The following SPAG1 variants were observed in gnomAD, a reference collection of about 807,000 sequenced individuals.
The protein encoded by SPAG1 is sperm associated antigen 1, also known as sperm-associated antigen 1.
SPAG1 carries 69 observed loss-of-function variants against 100.5 expected under a neutral mutation model. The ratio of observed to expected loss-of-function variants is 0.69; its 90% CI spans 0.57 to 0.84. The LOEUF is 0.84. SPAG1 is among the 40% of genes least tolerant of loss of function. The pLI is 0.00. For synonymous variants in SPAG1, 336 were observed against 411.6 expected (o/e 0.82, Z 2.22); for missense variants, 955 against 1,133.1 (o/e 0.84, Z 2.26).
chr8:100,234,143 T>C (rs1818898228), intron 16 of SPAG1, among the ~76,000 whole-genome samples: 1 of 152,254 alleles, frequency 6.6e-6, no homozygotes, highest in Non-Finnish European at 1.5e-5. Flanking sequence ...TGAATGTTCA[T>C]ATTTATAGAA....
At chr8:100,167,689 T>C (rs1815626821) in intron 3 of SPAG1, among the ~76,000 whole-genome samples, 1 of 152,208 alleles carries the variant, frequency 6.6e-6, no homozygotes, top group Non-Finnish European at 1.5e-5. Context: ...TAATCAGCTT[T>C]ATTGAGATAA....
chr8:100,213,004 T>C (rs1289557689), intron 10 of SPAG1, 86 bp from the exon 11 acceptor site: 51 of 553,292 alleles, frequency 9.2e-5, no homozygotes, highest in Non-Finnish European at 1.2e-4. Context: ...GCCCTCCGCG[T>C]CCTGCACCCC....
chr8:100,221,223 CTT>C (rs1818263700), intron 13 of SPAG1, among the ~76,000 whole-genome samples: 2 of 152,186 alleles, frequency 1.3e-5, no homozygotes, highest in South Asian at 2.1e-4. Flanking sequence ...AAACATATCT[CTT>C]GTTTCTCCTG....
chr8:100,182,255 G>C (rs186295944), intron 4 of SPAG1, among the ~76,000 whole-genome samples: 1 of 152,104 alleles, frequency 6.6e-6, no homozygotes, highest in Non-Finnish European at 1.5e-5. Context: ...TTCTGTTCTG[G>C]TGCAGAACCT....
At chr8:100,172,634 ATGTGTGTGTGTGTG>A (rs60155004) in intron 3 of SPAG1, among the ~76,000 whole-genome samples, 13 of 145,560 alleles carry the variant, frequency 8.9e-5, no homozygotes, top group Admixed American at 4.1e-4. Flanking sequence ...AAAGAAATAT[ATGTGTGTGTGTGTG>A]TGTGTGTGTG....
chr8:100,168,697 TTG>T (rs1332796635), intron 3 of SPAG1, among the ~76,000 whole-genome samples: 5 of 130,080 alleles, frequency 3.8e-5, no homozygotes, highest in African/African-American at 9.3e-5. Context: ...CTTTTTTTTT[TTG>T]TTGTTGAGAC....
chr8:100,224,310 T>C (rs1312162097), intron 13 of SPAG1, among the ~76,000 whole-genome samples: 1 of 152,064 alleles, frequency 6.6e-6, no homozygotes, highest in East Asian at 1.9e-4. Context: ...AGCACTTTGG[T>C]AGGCTGAGAT....
intron 12 of SPAG1, among the ~76,000 whole-genome samples, chr8:100,218,782 T>C (rs890266594): frequency 1.3e-5 from 2 of 152,216 alleles, no homozygotes; most frequent in Non-Finnish European, 2.9e-5. Flanking sequence ...TTCTATGATA[T>C]GCCAGAAGGG....
At position 100,194,219 on chromosome 8, in the gene SPAG1, T is replaced by A. The variant is rs1206745143; in HGVS notation, c.1047T>A (p.Asp349Glu). ...MVIQEIENSE[D>E]EEGKSGRKHE... is the part of the protein sequence containing the mutation. The stretch of plus-strand genomic sequence containing the variant: ...TTCAGGAAATAGAAAACTCCGAAGA[T>A]GAAGAAGGAAAAAGCGGAAGAAAAC... The change falls in exon 10 of 19, where the codon GAT becomes GAA. Residue 349 changes from aspartate to glutamate, a missense_variant. Coordinates refer to ENST00000388798, the MANE Select transcript of SPAG1 (RefSeq NM_003114.5). 1.2e-6 allele frequency: 2 copies of A among 1,606,606 alleles called. No individual in the cohort carries two copies. The highest frequency in any genetic ancestry group is 2.7e-5 in the African/African-American group (2 of 74,604).
chr8:100,229,985 C>G (rs1208740395), intron 14 of SPAG1, among the ~76,000 whole-genome samples: 1 of 152,158 alleles, frequency 6.6e-6, no homozygotes, highest in Non-Finnish European at 1.5e-5. Flanking sequence ...AATAGCTCCT[C>G]CTTTGAGCCT....
chr8:100,213,390 G>A lies in SPAG1; in HGVS notation c.1397G>A (p.Gly466Asp). Residue 466 changes from glycine (G) to aspartate (D), a missense_variant, in exon 11 of 19, where the codon GGC becomes GAC. Transcript: ENST00000388798. ...FRSGQFAEAAGKYSAAIALLE... is the reference protein window; with the variant it reads ...FRSGQFAEAADKYSAAIALLE... ...AGCGGGCAGTTCGCCGAGGCGGCCG[G>A]CAAGTACTCGGCGGCAATCGCGCTC... 3 of 1,450,008 alleles carry A rather than the reference G, an allele frequency of 2.1e-6. No homozygotes were observed. The highest frequency in any genetic ancestry group is 2.7e-6 in the Non-Finnish European group (3 of 1,099,854). The allele number at this position is 1,450,008 out of a possible 1,614,324, so 89.8% of individuals were successfully genotyped here.
At position 100,240,555 on chromosome 8, in the gene SPAG1, G is replaced by T; in HGVS notation, c.2433G>T (p.Gln811His). Residue 811 changes from glutamine (Q) to histidine (H), a missense_variant, in exon 18 of 19, where the codon CAG (glutamine) becomes CAT (histidine). Gln to His is a conservative substitution (Grantham distance 24). Transcript: ENST00000388798. Reference protein sequence around the residue: ...AKPNNAYEFGQIINALSTRKD... With the variant: ...AKPNNAYEFGHIINALSTRKD... ...CTAATAATGCCTATGAATTTGGTCA[G>T]ATTATAAATGCTCTCAGTACCAGGA... 1.2e-6 allele frequency: 2 copies of T among 1,614,104 alleles called. No individual in the cohort carries two copies. Among genetic ancestry groups the T allele is most frequent in the African/African-American group, 1.3e-5 (1 of 75,038 alleles).
At chr8:100,210,012 T>C (rs778156769) in intron 10 of SPAG1, among the ~76,000 whole-genome samples, 64 of 152,294 alleles carry the variant, frequency 4.2e-4, no homozygotes, top group African/African-American at 8.9e-4. Flanking sequence ...AATTGATCAG[T>C]CTACAACTTT....
intron 10 of SPAG1, among the ~76,000 whole-genome samples, chr8:100,199,600 C>T (rs753841889): frequency 8.5e-5 from 13 of 152,122 alleles, no homozygotes; most frequent in Admixed American, 1.3e-4. Flanking sequence ...CTCCCACCAC[C>T]ATGCCCAGCT....
chr8:100,233,560 G>A, intron 16 of SPAG1, 23 bp downstream of exon 16: 1 of 1,561,574 alleles, frequency 6.4e-7, no homozygotes, highest in East Asian at 2.4e-5. Flanking sequence ...TCATTTTAAT[G>A]CATAAACTTC....
chr8:100,192,489 T>C (rs537647217), intron 9 of SPAG1, among the ~76,000 whole-genome samples: 3 of 152,218 alleles, frequency 2.0e-5, no homozygotes, highest in Non-Finnish European at 4.4e-5. Context: ...TTGTTCTCAG[T>C]ACAAACATCC....
chr8:100,197,875 T>C (rs1285585165), intron 10 of SPAG1, among the ~76,000 whole-genome samples: 1 of 152,186 alleles, frequency 6.6e-6, no homozygotes, highest in Non-Finnish European at 1.5e-5. Flanking sequence ...TTGATAGGCT[T>C]TCTTTGCCTC....
chr8:100,174,214 G>T (rs1333416148), intron 3 of SPAG1, among the ~76,000 whole-genome samples: 1 of 152,018 alleles, frequency 6.6e-6, no homozygotes, highest in Non-Finnish European at 1.5e-5. Context: ...ACAGTTGATT[G>T]ACATATATTT....
chr8:100,199,465 G>A (rs539620461), intron 10 of SPAG1, among the ~76,000 whole-genome samples: 39 of 152,212 alleles, frequency 2.6e-4, no homozygotes, highest in Middle Eastern at 6.8e-3. Context: ...TTGTTGTTGA[G>A]ATGGATTTTC....
Sources: allele counts gnomAD v4.1 joint callset (sites outside exome capture counted in the v4.1 genomes callset), GRCh38; gene constraint gnomAD v4.1.1; transcripts MANE v1.5; gene names NCBI Gene and HGNC (gene_info 2026-07-23, HGNC 2026-07-21).